ARL17B: variants seen among roughly 807,000 people sequenced by gnomAD.
ARL17B encodes ADP-ribosylation factor-like protein 17.
rs576293807 is a variant in ARL17B at position 46,289,035 on chromosome 17, C to T, written c.*21+10491G>A. 9.7e-3 allele frequency among the ~76,000 whole-genome samples: 1,481 copies of T among 152,132 alleles called. 33 individuals are homozygous for T. Among genetic ancestry groups the T allele is most frequent in the African/African-American group, 0.034 (1,424 of 41,450 alleles). The stretch of plus-strand genomic sequence containing the variant: ...TTGTCTCAATATGCATTTTGCCATA[C>T]TTTTTAAGTGCATCTCTTCTGCTAT... On this transcript the variant is annotated intron_variant, in intron 4 of 4. Transcript: ENST00000570618.
chr17:46,284,030 A>C (rs1189051040), intron 4 of ARL17B, among the ~76,000 whole-genome samples: 81 of 151,900 alleles, frequency 5.3e-4, no homozygotes, highest in Admixed American at 6.6e-4. Context: ...CAGTAGATGG[A>C]ACATACAATC....
chr17:46,280,569 C>CT (rs56981193), intron 4 of ARL17B, among the ~76,000 whole-genome samples: 12,925 of 111,840 alleles, frequency 0.12, 2,208 homozygotes, highest in African/African-American at 0.33. Context: ...TGATAGCACA[C>CT]TTTTTTTTTT....
rs1440582001 is a variant in ARL17B at position 46,304,628 on chromosome 17, A to G, written c.260-4963T>C. 3.4e-4 allele frequency among the ~76,000 whole-genome samples: 24 copies of G among 69,950 alleles called. 3 individuals carry two copies. The highest frequency in any genetic ancestry group is 8.5e-4 in the African/African-American group (24 of 28,202). The allele number at this position is 69,950 out of a possible 152,430, so 45.9% of individuals were successfully genotyped here. ...GAGGGACAAACTCCATCACTGTATA[A>G]CTGAAGAAATTTTTTTTTATGAAAT... On this transcript the variant is annotated intron_variant, in intron 3 of 4. Coordinates refer to the ARL17B transcript ENST00000434041.
intron 3 of ARL17B, among the ~76,000 whole-genome samples, chr17:46,343,737 AT>A (rs1388340935): frequency 1.2e-5 from 1 of 84,424 alleles, no homozygotes; most frequent in Non-Finnish European, 2.2e-5. Context: ...CAAAAAATTT[AT>A]TTATTTATTT....
intron 3 of ARL17B, among the ~76,000 whole-genome samples, chr17:46,324,220 G>A (rs1339965122): frequency 2.2e-5 from 2 of 91,060 alleles, no homozygotes; most frequent in African/African-American, 7.2e-5. Context: ...GCAATGAGCC[G>A]AGATTGCACC....
intron 2 of ARL17B, among the ~76,000 whole-genome samples, chr17:46,354,860 CAGG>C: frequency 6.6e-6 from 1 of 151,410 alleles, no homozygotes; most frequent in East Asian, 1.9e-4. Context: ...GAGGCTGAGA[CAGG>C]AGAACTGCTT....
In ARL17B at chr17:46,306,136, T is replaced by C; in HGVS notation, c.260-6471A>G. ...TTAGTGCATAGAGAAAGGATTGAGG[T>C]TATGTTCCATCCTATATAAATTAGA... On this transcript the variant is annotated intron_variant, in intron 3 of 4. Transcript: ENST00000434041. 5 of 216,866 alleles carry C rather than the reference T, an allele frequency of 2.3e-5. 1 individual carries two copies. 13.4% of individuals were successfully genotyped at this position (216,866 alleles called of 1,614,324 possible).
intron 4 of ARL17B, among the ~76,000 whole-genome samples, chr17:46,287,726 A>T (rs1319795201): frequency 1.3e-5 from 2 of 152,238 alleles, no homozygotes; most frequent in Non-Finnish European, 2.9e-5. Context: ...TCAGTTCAAC[A>T]TCGGGGACAT....
exon 5 of ARL17B, chr17:46,274,981 C>G (rs2049548458): frequency 6.4e-6 from 1 of 157,276 alleles, no homozygotes; most frequent in African/African-American, 2.4e-5. Context: ...CAACCTCTGC[C>G]TCCCGGGTTC....
At chr17:46,288,048 G>C (rs1435252457) in intron 4 of ARL17B, among the ~76,000 whole-genome samples, 1 of 152,126 alleles carries the variant, frequency 6.6e-6, no homozygotes, top group African/African-American at 2.4e-5. Context: ...GGCATTTCTT[G>C]GTAGATTCAC....
At chr17:46,275,289 A>G (rs1302674038) in exon 5 of ARL17B, 19 of 629,706 alleles carry the variant, frequency 3.0e-5, no homozygotes, top group Non-Finnish European at 4.2e-5. Context: ...TCTTGTCAGG[A>G]TAGCCTCACT....
At chr17:46,305,090 C>T (rs1171801441) in intron 3 of ARL17B, among the ~76,000 whole-genome samples, 3 of 80,154 alleles carry the variant, frequency 3.7e-5, no homozygotes, top group Admixed American at 3.3e-4. Flanking sequence ...AGGATGGTCT[C>T]GATATCCTGA....
At chr17:46,321,333 G>C in intron 3 of ARL17B, among the ~76,000 whole-genome samples, 1 of 87,958 alleles carries the variant, frequency 1.1e-5, no homozygotes, top group Non-Finnish European at 2.0e-5. Flanking sequence ...TCCAGCCTGG[G>C]TGACAGAGTG....
chr17:46,283,709 C>G (rs2696511), intron 4 of ARL17B, among the ~76,000 whole-genome samples: 21,703 of 151,688 alleles, frequency 0.14, 1,922 homozygotes, highest in Non-Finnish European at 0.22. Context: ...AAAGTACAGA[C>G]AAAGAAATAA....
At chr17:46,279,416 T>G (rs2049693298) in intron 4 of ARL17B, among the ~76,000 whole-genome samples, 3 of 151,782 alleles carry the variant, frequency 2.0e-5, no homozygotes, top group African/African-American at 7.3e-5. Context: ...ACTCCCGACC[T>G]CAGGTGATCC....
chr17:46,298,749 TAGG>T (rs2050248619), downstream of ARL17B, among the ~76,000 whole-genome samples: 1 of 69,498 alleles, frequency 1.4e-5, no homozygotes, highest in South Asian at 4.5e-4. Context: ...AAAAAAATGA[TAGG>T]AGGGAAGAAA....
chr17:46,277,660 T>TCA (rs2049629257), intron 4 of ARL17B, among the ~76,000 whole-genome samples: 1 of 151,262 alleles, frequency 6.6e-6, no homozygotes, highest in Non-Finnish European at 1.5e-5. Flanking sequence ...TTTCTTTTTT[T>TCA]TTTTTTGAGA....
intron 4 of ARL17B, among the ~76,000 whole-genome samples, chr17:46,286,450 A>G (rs1455665944): frequency 7.2e-5 from 11 of 152,260 alleles, no homozygotes; most frequent in Non-Finnish European, 1.5e-4. Context: ...TTATACCCAA[A>G]TTAGTGTTTT....
chr17:46,282,473 G>A (rs1220220472), intron 4 of ARL17B, among the ~76,000 whole-genome samples: 1 of 151,228 alleles, frequency 6.6e-6, no homozygotes, highest in Non-Finnish European at 1.5e-5. Context: ...GGGGTGGAGT[G>A]GCTCGATCAT....
Sources: allele counts gnomAD v4.1 joint callset (sites outside exome capture counted in the v4.1 genomes callset), GRCh38; gene constraint gnomAD v4.1.1; transcripts MANE v1.5; gene names NCBI Gene and HGNC (gene_info 2026-07-23, HGNC 2026-07-21).